The following NRXN1 variants were observed in gnomAD, a reference collection of about 807,000 sequenced individuals.
The protein encoded by NRXN1 is neurexin 1.
In NRXN1, 39 loss-of-function variants were observed where a neutral mutation model predicts 150.9. The ratio of observed to expected loss-of-function variants is 0.26; its 90% CI spans 0.20 to 0.34. NRXN1 has a LOEUF of 0.34. Among genes scored for constraint, NRXN1 ranks in the 10% least tolerant of loss-of-function variants. The probability of loss-of-function intolerance (pLI) is 1.00; values close to 1 mark genes in which losing one functional copy is unlikely to be tolerated. For synonymous variants in NRXN1, 924 were observed against 757.0 expected, an observed-to-expected ratio of 1.22 and a Z score of -3.62; for missense variants, 1,815 against 1,949.9, an observed-to-expected ratio of 0.93 and a Z score of 1.30.
intron 3 of NRXN1, among the ~76,000 whole-genome samples, chr2:50,925,186 T>C (rs1003730245): frequency 1.3e-5 from 2 of 151,824 alleles, no homozygotes; most frequent in Non-Finnish European, 2.9e-5. Context: ...ACTTTGAAGA[T>C]TTGTTTGTAG....
chr2:50,703,053 A>C (rs951851348), intron 5 of NRXN1, among the ~76,000 whole-genome samples: 1 of 152,148 alleles, frequency 6.6e-6, no homozygotes, highest in Non-Finnish European at 1.5e-5. Context: ...GACAGTCTCA[A>C]CATTCTCAAA....
chr2:50,425,428 T>A (rs924900620), intron 17 of NRXN1, among the ~76,000 whole-genome samples: 3 of 152,208 alleles, frequency 2.0e-5, no homozygotes, highest in African/African-American at 7.2e-5. Context: ...ACTCTCCAGC[T>A]GCTAGATTTG....
intron 5 of NRXN1, among the ~76,000 whole-genome samples, chr2:50,803,469 C>CA (rs1707889004): frequency 6.6e-6 from 1 of 152,146 alleles, no homozygotes; most frequent in South Asian, 2.1e-4. Flanking sequence ...TTCCATTTCT[C>CA]AATCATTTAA....
At chr2:50,454,972 C>A (rs917972136) in intron 17 of NRXN1, among the ~76,000 whole-genome samples, 4 of 151,788 alleles carry the variant, frequency 2.6e-5, no homozygotes, top group Non-Finnish European at 2.9e-5. Flanking sequence ...TTAGGCAGAG[C>A]GGAAGGAGGG....
intron 5 of NRXN1, among the ~76,000 whole-genome samples, chr2:50,762,907 A>G (rs1480559306): frequency 1.3e-5 from 2 of 151,964 alleles, no homozygotes; most frequent in Non-Finnish European, 2.9e-5. Flanking sequence ...GATTACTTGA[A>G]GTTCTCAAAG....
chr2:50,951,238 T>A (rs1691280823), intron 2 of NRXN1, among the ~76,000 whole-genome samples: 1 of 152,154 alleles, frequency 6.6e-6, no homozygotes, highest in Non-Finnish European at 1.5e-5. Context: ...AGAGGAGTAC[T>A]ATATCTGAGG....
intron 21 of NRXN1, among the ~76,000 whole-genome samples, chr2:50,006,724 T>C (rs1210221429): frequency 2.0e-5 from 3 of 152,188 alleles, no homozygotes; most frequent in Admixed American, 6.6e-5. Flanking sequence ...AGTATATTCA[T>C]TGTATTGCTA....
chr2:50,995,915 T>C (rs950349908), intron 2 of NRXN1, among the ~76,000 whole-genome samples: 1 of 151,962 alleles, frequency 6.6e-6, no homozygotes, highest in African/African-American at 2.4e-5. Flanking sequence ...ATCTTAAAGA[T>C]AATAACTTTT....
intron 5 of NRXN1, among the ~76,000 whole-genome samples, chr2:50,727,076 C>T (rs1697454248): frequency 6.6e-6 from 1 of 151,308 alleles, no homozygotes. Flanking sequence ...AAAAAGAGAG[C>T]TGACATTTGG....
chr2:50,052,363 A>G (rs1220590995), intron 21 of NRXN1, among the ~76,000 whole-genome samples: 2 of 152,168 alleles, frequency 1.3e-5, no homozygotes, highest in Non-Finnish European at 2.9e-5. Context: ...ACCAAGGATA[A>G]TACACAATTC....
intron 21 of NRXN1, among the ~76,000 whole-genome samples, chr2:50,038,664 A>G (rs185753786): frequency 6.6e-6 from 1 of 152,254 alleles, no homozygotes; most frequent in Admixed American, 6.5e-5. Flanking sequence ...TAATTTGGGG[A>G]TAATTTGTTA....
chr2:50,530,083 C>T (rs542274875), intron 11 of NRXN1, among the ~76,000 whole-genome samples: 126 of 152,084 alleles, frequency 8.3e-4, no homozygotes, highest in African/African-American at 2.9e-3. Flanking sequence ...TCATTTTTCC[C>T]TCTCTGTTTA....
Position 50,415,614 on chromosome 2 carries a change from T to C in NRXN1, c.3364+49828A>G, listed in dbSNP as rs547290762. On this transcript the variant is annotated intron_variant, in intron 17 of 22. Coordinates refer to ENST00000401669, the MANE Select transcript of NRXN1 (RefSeq NM_001330078.2). The stretch of plus-strand genomic sequence containing the variant: ...GTCTCACTGGAGGCATGTGAAATAT[T>C]AGCCATAGAGATGTCTTAACCACCA... Among the ~76,000 whole-genome samples, 5 of 152,288 alleles carry C rather than the reference T, an allele frequency of 3.3e-5. 1 individual carries two copies. The South Asian group carries it at 1.0e-3, about 32-fold the overall frequency.
At chr2:50,973,977 T>C (rs1695424296) in intron 2 of NRXN1, among the ~76,000 whole-genome samples, 1 of 150,012 alleles carries the variant, frequency 6.7e-6, no homozygotes, top group African/African-American at 2.5e-5. Context: ...GTCCTTGCAC[T>C]CATGAGATAA....
intron 21 of NRXN1, among the ~76,000 whole-genome samples, chr2:49,967,246 A>G (rs1244975811): frequency 6.6e-6 from 1 of 152,128 alleles, no homozygotes; most frequent in Non-Finnish European, 1.5e-5. Flanking sequence ...GGAAAAATGA[A>G]CAAAAAGAAC....
intron 15 of NRXN1, among the ~76,000 whole-genome samples, chr2:50,479,541 G>A (rs990841992): frequency 1.3e-5 from 2 of 152,006 alleles, no homozygotes; most frequent in African/African-American, 2.4e-5. Context: ...TCCTAAACAC[G>A]TTTATATTCT....
Position 50,347,250 on chromosome 2 carries a change from G to A in NRXN1, c.3365-110280C>T, listed in dbSNP as rs200643528. ...GCGGGTGGCTGCTCCCAGATTTCCA[G>A]GGCTCCAGGTTCTCGAGAGATACTC... On this transcript the variant is annotated intron_variant, in intron 17 of 22. Transcript: ENST00000401669. The surrounding 1 kb of genome is among the most constrained non-coding windows in gnomAD (Gnocchi z 4.9). The A allele has an allele frequency of 1.6e-5, 21 of 1,322,972 alleles. No homozygotes were observed. The highest frequency in any genetic ancestry group is 2.1e-5 in the Non-Finnish European group (21 of 1,011,648). The allele number at this position is 1,322,972 out of a possible 1,614,324, so 82.0% of individuals were successfully genotyped here. A position where few individuals can be genotyped will look rare whatever the true frequency, so the allele number is the denominator to read the frequency against.
intron 18 of NRXN1, among the ~76,000 whole-genome samples, chr2:50,129,100 C>T (rs1471542793): frequency 6.6e-6 from 1 of 152,152 alleles, no homozygotes; most frequent in Admixed American, 6.6e-5. Flanking sequence ...TATGATTTTG[C>T]TGATCTCTTA....
chr2:50,934,348 T>C (rs1468054698), intron 2 of NRXN1, among the ~76,000 whole-genome samples: 1 of 152,216 alleles, frequency 6.6e-6, no homozygotes, highest in Non-Finnish European at 1.5e-5. Context: ...TTTACCTTAC[T>C]AATAATAGGC....
Sources: gnomAD v4.1 joint callset for allele counts (sites outside exome capture counted in the v4.1 genomes callset) on GRCh38, gnomAD v4.1.1 for gene constraint, Gnocchi (gnomAD v3.1) non-coding constraint, MANE v1.5 for transcripts, NCBI Gene and HGNC (gene_info 2026-07-23, HGNC 2026-07-21) for gene names.